Variants in SMAP2 observed in about 807,000 individuals in gnomAD.
The protein encoded by SMAP2 is stromal membrane-associated protein 2.
Under a neutral mutation model 56.4 loss-of-function variants are expected in SMAP2, and 25 were observed. The observed-to-expected ratio is 0.44, with a 90% CI of 0.32 to 0.62. The LOEUF (loss-of-function observed/expected upper bound fraction) is 0.62, where lower values mean the gene tolerates loss of function less well. SMAP2 is among the 20% of genes least tolerant of loss of function. The pLI is 0.04. For missense variants in SMAP2, 388 were observed against 545.6 expected (o/e 0.71, Z 2.88); for synonymous variants, 157 against 181.7 (o/e 0.86, Z 1.09).
At chr1:40,361,078 CA>C in intron 1 of SMAP2, among the ~76,000 whole-genome samples, 2 of 152,172 alleles carry the variant, frequency 1.3e-5, no homozygotes, top group Non-Finnish European at 2.9e-5. Flanking sequence ...CTTGCAGTTC[CA>C]GGAGAAAGTC....
chr1:40,345,962 A>G (rs1297725287), intron 1 of SMAP2, among the ~76,000 whole-genome samples: 2 of 73,194 alleles, frequency 2.7e-5, no homozygotes, highest in African/African-American at 9.5e-5. Context: ...TGGTATTTCT[A>G]TCACTTTTTT....
In SMAP2 at chr1:40,385,096, G is replaced by A. The variant is rs745458696; in HGVS notation, c.103+10873G>A. 1.8e-4 allele frequency among the ~76,000 whole-genome samples: 27 copies of A among 152,026 alleles called. No homozygotes were observed. The highest frequency in any genetic ancestry group is 3.7e-4 in the Non-Finnish European group (25 of 68,018). On this transcript the variant is annotated intron_variant, in intron 1 of 9. Coordinates refer to ENST00000372718, the MANE Select transcript of SMAP2 (RefSeq NM_022733.3). This position sits in a 1 kb window ranked among gnomAD's most constrained non-coding sequence, Gnocchi z 4.5. ...AGATCTGCCTCAGCTGTGGCCATCC[G>A]TCAGCGTAAGGTTGCTCTGGTGGTC...
At chr1:40,402,271 T>C (rs1170668486) in intron 1 of SMAP2, among the ~76,000 whole-genome samples, 1 of 152,236 alleles carries the variant, frequency 6.6e-6, no homozygotes, top group Non-Finnish European at 1.5e-5. Flanking sequence ...ACATAATGTG[T>C]AATAACCAAA....
At chr1:40,396,181 G>A (rs1267718290) in intron 1 of SMAP2, among the ~76,000 whole-genome samples, 1 of 152,136 alleles carries the variant, frequency 6.6e-6, no homozygotes, top group Non-Finnish European at 1.5e-5. Context: ...TAAGTATGGG[G>A]GGAGTAAAAA....
At chr1:40,421,161 G>A (rs1285628619) in intron 9 of SMAP2, among the ~76,000 whole-genome samples, 1 of 151,644 alleles carries the variant, frequency 6.6e-6, no homozygotes, top group African/African-American at 2.4e-5. Flanking sequence ...AAGATACATG[G>A]GTTTTATTGT....
At chr1:40,384,630 G>T (rs1331850744) in intron 1 of SMAP2, among the ~76,000 whole-genome samples, 4 of 152,182 alleles carry the variant, frequency 2.6e-5, no homozygotes, top group Admixed American at 1.3e-4. Flanking sequence ...TTTGCTTTTA[G>T]GCTGTTACTT....
intron 9 of SMAP2, among the ~76,000 whole-genome samples, chr1:40,417,731 TA>T (rs1645003871): frequency 6.6e-6 from 1 of 152,076 alleles, no homozygotes; most frequent in African/African-American, 2.4e-5. Context: ...GGGCATGGCC[TA>T]AAAGGAGGAG....
At position 40,408,719 on chromosome 1, in the gene SMAP2, C is replaced by A; in HGVS notation, c.304C>A (p.Arg102=). The A allele has an allele frequency of 6.2e-7, 1 of 1,613,814 alleles. No individual in the cohort carries two copies. The highest frequency in any genetic ancestry group is 1.7e-5 in the Admixed American group (1 of 60,016). The change falls in exon 3 of 10, where the codon CGG becomes AGG. Residue 102 remains arginine (R), a synonymous_variant. Transcript: ENST00000372718. This position sits in a 1 kb window ranked among gnomAD's most constrained non-coding sequence, Gnocchi z 4.3. ...TGAAGCCTATCTTCCTGAGACCTTT[C>A]GGCGACCTCAGATAGACCCGTATCT... ...LYEAYLPETF[R]RPQIDPAVEG...
Position 40,374,804 on chromosome 1 carries a change from C to A in SMAP2, c.103+581C>A. The A allele has an allele frequency of 6.5e-7, 1 of 1,549,964 alleles. No homozygotes were observed. Among genetic ancestry groups the A allele is most frequent in the Non-Finnish European group, 8.7e-7 (1 of 1,146,624 alleles). On this transcript the variant is annotated intron_variant, in intron 1 of 9. Coordinates refer to ENST00000372718, the MANE Select transcript of SMAP2 (RefSeq NM_022733.3). The surrounding 1 kb of genome is among the most constrained non-coding windows in gnomAD (Gnocchi z 5.9). ...AGAGTGCTTAGGTGACTTTATTCTT[C>A]TGGATGTGTGCAGTGGGAAACTGCC... is the stretch of plus-strand genomic sequence containing the variant.
Position 40,414,213 on chromosome 1 carries a change from G to A in SMAP2, c.544G>A (p.Ala182Thr). Reference protein sequence around the residue: ...LPRKSSPKSTAPVMDLLGLDA... With the variant: ...LPRKSSPKSTTPVMDLLGLDA... ...TCGGAAAAGCTCCCCGAAATCCACA[G>A]CGCCTGTCATGGATTTGTTGGGCCT... The change falls in exon 6 of 10, where the codon GCG (alanine) becomes ACG (threonine). Residue 182 changes from alanine (A) to threonine (T), a missense_variant. Coordinates refer to ENST00000372718, the MANE Select transcript of SMAP2 (RefSeq NM_022733.3). 6.2e-7 allele frequency: 1 copy of A among 1,614,162 alleles called. No individual in the cohort carries two copies. Among genetic ancestry groups the A allele is most frequent in the Non-Finnish European group, 8.5e-7 (1 of 1,180,022 alleles).
At chr1:40,359,130 C>A (rs971099743) in intron 1 of SMAP2, among the ~76,000 whole-genome samples, 3 of 152,060 alleles carry the variant, frequency 2.0e-5, no homozygotes, top group African/African-American at 7.2e-5. Context: ...TGAGACAAAA[C>A]CTTGCTTTGT....
chr1:40,414,659 A>G (rs1296429983), intron 6 of SMAP2, among the ~76,000 whole-genome samples: 4 of 152,158 alleles, frequency 2.6e-5, no homozygotes, highest in South Asian at 4.1e-4. Flanking sequence ...AGCCCTCCAT[A>G]AATGTTAGCA....
chr1:40,407,997 C>T, intron 2 of SMAP2, among the ~76,000 whole-genome samples: 1 of 152,016 alleles, frequency 6.6e-6, no homozygotes, highest in South Asian at 2.1e-4. Flanking sequence ...AGGGAAGCCC[C>T]CCGCCCCCCA....
At chr1:40,406,347 T>G (rs1245454981) in intron 1 of SMAP2, among the ~76,000 whole-genome samples, 1 of 152,192 alleles carries the variant, frequency 6.6e-6, no homozygotes, top group East Asian at 1.9e-4. Context: ...ATATAATTCT[T>G]TTTATATTAA....
chr1:40,412,262 C>T (rs1289595229), intron 4 of SMAP2, among the ~76,000 whole-genome samples: 2 of 152,098 alleles, frequency 1.3e-5, no homozygotes, highest in Admixed American at 1.3e-4. Flanking sequence ...CCTAGTTTTG[C>T]CAATATACTT....
intron 1 of SMAP2, among the ~76,000 whole-genome samples, chr1:40,350,024 C>T (rs546953786): frequency 1.3e-5 from 2 of 152,278 alleles, no homozygotes; most frequent in East Asian, 1.9e-4. Flanking sequence ...CCAGGCCTCC[C>T]GGAGGCTGTG....
At chr1:40,356,350 A>G (rs1253779227) in intron 1 of SMAP2, among the ~76,000 whole-genome samples, 1 of 151,878 alleles carries the variant, frequency 6.6e-6, no homozygotes, top group Non-Finnish European at 1.5e-5. Context: ...TACACCTTGC[A>G]ATGGGATTGC....
In SMAP2 at chr1:40,397,700, AG is replaced by A. The variant is rs1644786042; in HGVS notation, c.104-9035del. The stretch of plus-strand genomic sequence containing the variant: ...ATGGTCATTGCCTTCCAGAGCTCAT[AG>A]TCTATTTAGGACAAGAGAGACCTGT... On this transcript the variant is annotated intron_variant, in intron 1 of 9. Coordinates refer to ENST00000372718, the MANE Select transcript of SMAP2 (RefSeq NM_022733.3). 2.6e-5 allele frequency among the ~76,000 whole-genome samples: 4 copies of A among 152,298 alleles called. No homozygotes were observed. The South Asian group carries it at 8.3e-4, about 32-fold the overall frequency.
At chr1:40,363,922 G>T (rs1557824154) in intron 2 of SMAP2, among the ~76,000 whole-genome samples, 1 of 152,180 alleles carries the variant, frequency 6.6e-6, no homozygotes, top group Non-Finnish European at 1.5e-5. Flanking sequence ...AGCCAGAGGG[G>T]AATCACGAAG....
Sources: gnomAD v4.1 joint callset for allele counts (sites outside exome capture counted in the v4.1 genomes callset) on GRCh38, gnomAD v4.1.1 for gene constraint, Gnocchi (gnomAD v3.1) non-coding constraint, MANE v1.5 for transcripts, NCBI Gene and HGNC (gene_info 2026-07-23, HGNC 2026-07-21) for gene names.